The following OXR1 variants were observed in gnomAD, a reference collection of about 807,000 sequenced individuals.
OXR1 encodes the protein oxidation resistance protein 1.
Under a neutral mutation model 104.6 loss-of-function variants are expected in OXR1, and 41 were observed. The observed-to-expected ratio is 0.39, with a 90% CI of 0.31 to 0.51. The LOEUF (loss-of-function observed/expected upper bound fraction) is 0.51. Ranked by LOEUF, OXR1 falls within the 20% of genes least tolerant of loss-of-function variation. The probability of loss-of-function intolerance (pLI) is 0.77; values close to 1 mark genes in which losing one functional copy is unlikely to be tolerated. For synonymous variants in OXR1, 348 were observed against 348.4 expected (o/e 1.00, Z 0.01); for missense variants, 955 against 1,031.9 (o/e 0.93, Z 1.02).
intron 3 of OXR1, among the ~76,000 whole-genome samples, chr8:106,572,977 A>G (rs1437703756): frequency 6.6e-6 from 1 of 152,170 alleles, no homozygotes; most frequent in Non-Finnish European, 1.5e-5. Flanking sequence ...GTCTGAGATC[A>G]AAGGCATGGG....
chr8:106,309,388 T>C (rs925803644), intron 1 of OXR1, among the ~76,000 whole-genome samples: 2 of 152,184 alleles, frequency 1.3e-5, no homozygotes, highest in Non-Finnish European at 2.9e-5. Context: ...AATAATTATA[T>C]ATGTTTGTGT....
intron 2 of OXR1, among the ~76,000 whole-genome samples, chr8:106,509,960 T>G (rs1222430591): frequency 2.6e-5 from 4 of 151,956 alleles, no homozygotes; most frequent in Non-Finnish European, 5.9e-5. Context: ...TTAGTAGAGA[T>G]GGGATTTCAC....
chr8:106,508,298 TC>T (rs1443472565), intron 2 of OXR1, among the ~76,000 whole-genome samples: 2 of 152,134 alleles, frequency 1.3e-5, no homozygotes, highest in Non-Finnish European at 2.9e-5. Context: ...GTTTATAGAG[TC>T]ACTGCTGAGA....
intron 3 of OXR1, among the ~76,000 whole-genome samples, chr8:106,596,195 C>T (rs1819515096): frequency 6.6e-6 from 1 of 151,986 alleles, no homozygotes; most frequent in Non-Finnish European, 1.5e-5. Flanking sequence ...TCTACAATCC[C>T]CACACTTTGG....
intron 3 of OXR1, among the ~76,000 whole-genome samples, chr8:106,623,382 C>G (rs984367939): frequency 1.3e-5 from 2 of 151,464 alleles, no homozygotes; most frequent in Non-Finnish European, 2.9e-5. Context: ...TGTTAACTTA[C>G]ACAATAGTAA....
intron 4 of OXR1, among the ~76,000 whole-genome samples, chr8:106,679,621 G>A (rs566499771): frequency 3.3e-5 from 5 of 151,878 alleles, no homozygotes; most frequent in African/African-American, 7.3e-5. Context: ...CATTATATTC[G>A]CAGCAGTGCT....
At chr8:106,401,888 A>G (rs891987961) in intron 2 of OXR1, among the ~76,000 whole-genome samples, 8 of 152,210 alleles carry the variant, frequency 5.3e-5, no homozygotes, top group African/African-American at 1.9e-4. Context: ...TGAAGGGGAA[A>G]AATTGACCAA....
At chr8:106,496,655 G>A (rs1292519731) in intron 2 of OXR1, among the ~76,000 whole-genome samples, 2 of 152,192 alleles carry the variant, frequency 1.3e-5, no homozygotes, top group Non-Finnish European at 1.5e-5. Context: ...TAGTCCCATG[G>A]TTCCAGCCAG....
Position 106,389,727 on chromosome 8 carries a change from T to G in OXR1, c.23+30091T>G, listed in dbSNP as rs569823547. ...GATATTAACTGGAAAGACAAATTTT[T>G]GGGGGTATATATGGATTAGTTTCAT... On this transcript the variant is annotated intron_variant, in intron 2 of 16. Coordinates refer to ENST00000517566, the MANE Select transcript of OXR1 (RefSeq NM_001198533.2). 6.2e-4 allele frequency among the ~76,000 whole-genome samples: 94 copies of G among 152,240 alleles called. No homozygotes were observed. In the South Asian group the frequency reaches 0.016, roughly 25 times the overall value.
chr8:106,606,154 C>T (rs537983695), intron 3 of OXR1, among the ~76,000 whole-genome samples: 33 of 152,244 alleles, frequency 2.2e-4, no homozygotes, highest in African/African-American at 7.0e-4. Context: ...TCTAGAGGCC[C>T]TGTGGGAGAA....
chr8:106,714,728 G>C (rs889059099), intron 11 of OXR1, among the ~76,000 whole-genome samples: 1 of 152,076 alleles, frequency 6.6e-6, no homozygotes, highest in Non-Finnish European at 1.5e-5. Flanking sequence ...AAAATGTAGA[G>C]CAGATGCTAA....
chr8:106,322,577 G>A (rs2130185338), intron 1 of OXR1, among the ~76,000 whole-genome samples: 1 of 152,270 alleles, frequency 6.6e-6, no homozygotes, highest in Admixed American at 6.5e-5. Context: ...ATCCAAATAG[G>A]AAGAGAGGAA....
chr8:106,748,897 G>T (rs1443672043), intron 16 of OXR1, among the ~76,000 whole-genome samples: 2 of 151,708 alleles, frequency 1.3e-5, no homozygotes, highest in African/African-American at 4.8e-5. Flanking sequence ...CATTCTACAT[G>T]GTCACTGTAG....
chr8:106,649,393 A>T (rs890076324), intron 3 of OXR1, among the ~76,000 whole-genome samples: 3 of 152,186 alleles, frequency 2.0e-5, no homozygotes, highest in Middle Eastern at 6.8e-3. Context: ...GATGTAACAA[A>T]TTTACTATTA....
chr8:106,397,486 T>C (rs59816594), intron 2 of OXR1, among the ~76,000 whole-genome samples: 2,331 of 152,256 alleles, frequency 0.015, 66 homozygotes, highest in African/African-American at 0.052. Context: ...CATACTTCTC[T>C]GAAGAGATTT....
At chr8:106,531,057 A>T (rs939835180) in intron 3 of OXR1, among the ~76,000 whole-genome samples, 1 of 152,186 alleles carries the variant, frequency 6.6e-6, no homozygotes, top group Non-Finnish European at 1.5e-5. Flanking sequence ...TACATGAAAA[A>T]GTTTAGTTAA....
At chr8:106,535,281 T>A (rs987663753) in intron 3 of OXR1, among the ~76,000 whole-genome samples, 2 of 152,164 alleles carry the variant, frequency 1.3e-5, no homozygotes, top group Non-Finnish European at 1.5e-5. Flanking sequence ...TCCAAGGCGA[T>A]GCAATGAAGG....
At chr8:106,307,134 A>G (rs1336034289) in intron 1 of OXR1, among the ~76,000 whole-genome samples, 1 of 152,202 alleles carries the variant, frequency 6.6e-6, no homozygotes, top group Non-Finnish European at 1.5e-5. Context: ...TTTTATTCAG[A>G]GTTGGTAGCC....
chr8:106,339,997 T>C (rs201274287), intron 1 of OXR1, among the ~76,000 whole-genome samples: 1 of 152,160 alleles, frequency 6.6e-6, no homozygotes, highest in Non-Finnish European at 1.5e-5. Context: ...ATTTCTGTAA[T>C]TCTTTTCCCA....
Sources: allele counts gnomAD v4.1 joint callset (sites outside exome capture counted in the v4.1 genomes callset), GRCh38; gene constraint gnomAD v4.1.1; transcripts MANE v1.5; gene names NCBI Gene and HGNC (gene_info 2026-07-23, HGNC 2026-07-21).